ADAMTS5: variants seen among roughly 807,000 people sequenced by gnomAD.
The protein encoded by ADAMTS5 is A disintegrin and metalloproteinase with thrombospondin motifs 5.
Under a neutral mutation model 81.4 loss-of-function variants are expected in ADAMTS5, and 54 were observed. The observed-to-expected ratio is 0.66, with a 90% CI of 0.53 to 0.83. The LOEUF (loss-of-function observed/expected upper bound fraction) is 0.83. Ranked by LOEUF, ADAMTS5 falls within the 40% of genes least tolerant of loss-of-function variation. ADAMTS5 has a pLI of 0.00. For missense variants in ADAMTS5, 1,194 were observed against 1,229.9 expected, an observed-to-expected ratio of 0.97 and a Z score of 0.44; for synonymous variants, 532 against 508.8, an observed-to-expected ratio of 1.05 and a Z score of -0.61.
rs1261177468 is a variant in ADAMTS5 at position 26,928,627 on chromosome 21, TTCCTTC to T, written c.2225+1253_2225+1258del. Among the ~76,000 whole-genome samples, 3 of 151,584 alleles carry T rather than the reference TTCCTTC, an allele frequency of 2.0e-5. 1 individual carries two copies. The highest frequency in any genetic ancestry group is 2.0e-4 in the Admixed American group (3 of 15,196). On this transcript the variant is annotated intron_variant, in intron 7 of 7. Transcript: ENST00000284987. Reference sequence around the variant, plus strand: ...CTTTCCTTTTTCTTTCCTTCCTTCCTTCCTTCCTCTTTCTTTCTCTTTCCTTTGTCT... The same window carrying T: ...CTTTCCTTTTTCTTTCCTTCCTTCCTCTCTTTCTTTCTCTTTCCTTTGTCT...
chr21:26,933,563 G>A (rs1025381514), intron 4 of ADAMTS5, among the ~76,000 whole-genome samples: 2 of 152,152 alleles, frequency 1.3e-5, no homozygotes, highest in African/African-American at 2.4e-5. Flanking sequence ...TAAATGTACC[G>A]GACCCAACTT....
intron 2 of ADAMTS5, among the ~76,000 whole-genome samples, chr21:26,948,884 T>C (rs1367607137): frequency 6.6e-6 from 1 of 152,198 alleles, no homozygotes; most frequent in Non-Finnish European, 1.5e-5. Flanking sequence ...TTTAGCAGTA[T>C]ATTAGTTGTT....
rs1986669468 is a variant in ADAMTS5 at position 26,920,449 on chromosome 21, A to T, written c.*3604T>A. 6.6e-6 allele frequency: 1 copy of T among 152,152 alleles called. No homozygotes were observed. The highest frequency in any genetic ancestry group is 2.1e-4 in the South Asian group (1 of 4,834). 9.4% of individuals were successfully genotyped at this position (152,152 alleles called of 1,614,324 possible). On this transcript the variant is annotated 3_prime_UTR_variant, in exon 8 of 8. Transcript: ENST00000284987. ...ACAGTTATGACTATTAGCATTTGTT[A>T]TACAAACCCAATCTATTTGTGCTCA...
chr21:26,940,244 C>T (rs560668459), intron 3 of ADAMTS5, among the ~76,000 whole-genome samples: 1 of 152,122 alleles, frequency 6.6e-6, no homozygotes, highest in Non-Finnish European at 1.5e-5. Context: ...TTATAATGTA[C>T]TCTTTAGGTA....
chr21:26,961,090 G>C lies in ADAMTS5; in HGVS notation c.1104+4198C>G, dbSNP rs532285183. Among the ~76,000 whole-genome samples the C allele has an allele frequency of 8.3e-4, 127 of 152,312 alleles. 3 individuals are homozygous for C. In the South Asian group the frequency reaches 0.026, roughly 32 times the overall value. ...CCTTGCCTACGAGGAGCATATTAAAGGTTTGAATAAATTAGTGATAATGCT... is the reference window on the plus strand; with the variant it reads ...CCTTGCCTACGAGGAGCATATTAAACGTTTGAATAAATTAGTGATAATGCT... On this transcript the variant is annotated intron_variant, in intron 1 of 7. Coordinates refer to ENST00000284987, the MANE Select transcript of ADAMTS5 (RefSeq NM_007038.5).
Position 26,922,792 on chromosome 21 carries a change from TA to T in ADAMTS5, c.*1260del, listed in dbSNP as rs1294997515. On this transcript the variant is annotated 3_prime_UTR_variant, in exon 8 of 8. Coordinates refer to ENST00000284987, the MANE Select transcript of ADAMTS5 (RefSeq NM_007038.5). ...CAGTTGGGAAAAATATTTAGTACAA[TA>T]GGAATATACTTAGATTTTTTAAATT... is the stretch of plus-strand genomic sequence containing the variant. 5 of 152,548 alleles carry T rather than the reference TA, an allele frequency of 3.3e-5. No homozygotes were observed. Among genetic ancestry groups the T allele is most frequent in the Non-Finnish European group, 5.9e-5 (4 of 67,978 alleles). 9.4% of individuals were successfully genotyped at this position (152,548 alleles called of 1,614,324 possible). A position where few individuals can be genotyped will look rare whatever the true frequency, so the allele number is the denominator to read the frequency against.
At chr21:26,943,674 A>C in intron 2 of ADAMTS5, 127 bp from the exon 3 acceptor site, 64 of 814,922 alleles carry the variant, frequency 7.9e-5, no homozygotes, top group Non-Finnish European at 1.1e-4. Flanking sequence ...CTGCTTTCTC[A>C]CCCAGAGACT....
rs1006378652 is a variant in ADAMTS5 at position 26,920,744 on chromosome 21, T to C, written c.*3309A>G. ...AAAACTTGCACCTTGTTTCATTGAA[T>C]AAGTGTTTTTCTTATTTGTGACTTG... On this transcript the variant is annotated 3_prime_UTR_variant, in exon 8 of 8. Transcript: ENST00000284987. 2.0e-5 allele frequency: 3 copies of C among 152,126 alleles called. No homozygotes were observed. The highest frequency in any genetic ancestry group is 7.2e-5 in the African/African-American group (3 of 41,442). 9.4% of individuals were successfully genotyped at this position (152,126 alleles called of 1,614,324 possible). A position where few individuals can be genotyped will look rare whatever the true frequency, so the allele number is the denominator to read the frequency against.
At chr21:26,946,422 C>T (rs538083777) in intron 2 of ADAMTS5, among the ~76,000 whole-genome samples, 2 of 152,150 alleles carry the variant, frequency 1.3e-5, no homozygotes, top group East Asian at 3.9e-4. Context: ...CAGAGAAAAT[C>T]CAGAATCCGG....
rs1350312569 is a variant in ADAMTS5, at chr21:26,962,355, G to A, written c.1104+2933C>T. On this transcript the variant is annotated intron_variant, in intron 1 of 7. Transcript: ENST00000284987. ...TACTGTTTGATGGCAGAAGTGGTGTGAATTCCAGCATTAGTGCCATTTCAG... is the reference window on the plus strand; with the variant it reads ...TACTGTTTGATGGCAGAAGTGGTGTAAATTCCAGCATTAGTGCCATTTCAG... Among the ~76,000 whole-genome samples the A allele has an allele frequency of 2.6e-5, 4 of 152,336 alleles. No individual in the cohort carries two copies. The East Asian group carries it at 7.7e-4, about 29-fold the overall frequency.
Position 26,917,932 on chromosome 21 carries a change from T to C in ADAMTS5, c.*6121A>G, listed in dbSNP as rs1809725285. On this transcript the variant is annotated 3_prime_UTR_variant, in exon 8 of 8. Transcript: ENST00000284987. ...GTACATACTTTAACCTAGTTTACAATTTATATTTATTATGCCCACTGAACC... is the reference window on the plus strand; with the variant it reads ...GTACATACTTTAACCTAGTTTACAACTTATATTTATTATGCCCACTGAACC... 6.6e-6 allele frequency: 1 copy of C among 152,002 alleles called. No homozygotes were observed. Among genetic ancestry groups the C allele is most frequent in the South Asian group, 2.1e-4 (1 of 4,832 alleles). 9.4% of individuals were successfully genotyped at this position (152,002 alleles called of 1,614,324 possible). A position where few individuals can be genotyped will look rare whatever the true frequency, so the allele number is the denominator to read the frequency against.
intron 1 of ADAMTS5, among the ~76,000 whole-genome samples, chr21:26,956,084 C>T (rs1316600358): frequency 2.6e-5 from 4 of 152,194 alleles, no homozygotes; most frequent in Non-Finnish European, 5.9e-5. Context: ...CTTTAATATG[C>T]TGTATGCCAG....
intron 3 of ADAMTS5, among the ~76,000 whole-genome samples, chr21:26,942,677 C>T (rs1987136587): frequency 6.6e-6 from 1 of 152,044 alleles, no homozygotes; most frequent in Non-Finnish European, 1.5e-5. Flanking sequence ...TTGTAACTTC[C>T]TCAGTATTTC....
In ADAMTS5 at chr21:26,954,905, A is replaced by G. The variant is rs746603091; in HGVS notation, c.1105-34T>C. On this transcript the variant is annotated intron_variant, in intron 1 of 7. Transcript: ENST00000284987. ...GAGAAAGAAAGAAATCATTAAAATC[A>G]ATTTACATCCAGAAGGAGCCGCCAC... 1.9e-6 allele frequency: 3 copies of G among 1,611,078 alleles called. No individual in the cohort carries two copies. The African/African-American group carries it at 4.0e-5, about 22-fold the overall frequency.
intron 1 of ADAMTS5, among the ~76,000 whole-genome samples, chr21:26,961,970 A>G (rs1987537751): frequency 6.6e-6 from 1 of 152,194 alleles, no homozygotes; most frequent in African/African-American, 2.4e-5. Context: ...CAGCAATCTA[A>G]GGCAGAATGT....
At chr21:26,962,585 C>T (rs1488573934) in intron 1 of ADAMTS5, among the ~76,000 whole-genome samples, 2 of 152,218 alleles carry the variant, frequency 1.3e-5, no homozygotes, top group African/African-American at 4.8e-5. Context: ...CTCGTACATT[C>T]GCTTCATGCC....
intron 1 of ADAMTS5, among the ~76,000 whole-genome samples, chr21:26,956,027 T>C (rs1255005402): frequency 6.6e-6 from 1 of 152,226 alleles, no homozygotes; most frequent in Non-Finnish European, 1.5e-5. Context: ...AACATTTGTT[T>C]CATTGAGTTG....
rs748900856 is a variant in ADAMTS5 at position 26,965,572 on chromosome 21, C to T, written c.820G>A (p.Val274Met). ...SRARQVELLL[V>M]ADASMARLYG... Reference sequence around the variant, plus strand: ...AACCGCGCCATGGACGCGTCAGCCACCAGAAGCAGCTCCACCTGGCGGGCC... The same window carrying T: ...AACCGCGCCATGGACGCGTCAGCCATCAGAAGCAGCTCCACCTGGCGGGCC... Residue 274 changes from valine (V) to methionine (M), a missense_variant, in exon 1 of 8, where the codon GTG becomes ATG. Physicochemically the swap from Val to Met is conservative, Grantham distance 21. Coordinates refer to ENST00000284987, the MANE Select transcript of ADAMTS5 (RefSeq NM_007038.5). 2.5e-6 allele frequency: 4 copies of T among 1,609,532 alleles called. No individual in the cohort carries two copies. The highest frequency in any genetic ancestry group is 3.4e-6 in the Non-Finnish European group (4 of 1,177,450).
chr21:26,963,395 C>T (rs894994336), intron 1 of ADAMTS5, among the ~76,000 whole-genome samples: 1 of 151,666 alleles, frequency 6.6e-6, no homozygotes, highest in African/African-American at 2.4e-5. Flanking sequence ...TGTTATGGGG[C>T]AGGAGGTAGG....
Sources: gnomAD v4.1 joint callset for allele counts (sites outside exome capture counted in the v4.1 genomes callset) on GRCh38, gnomAD v4.1.1 for gene constraint, MANE v1.5 for transcripts, NCBI Gene and HGNC (gene_info 2026-07-23, HGNC 2026-07-21) for gene names.